WDR7: variants seen among roughly 807,000 people sequenced by gnomAD.
WDR7 encodes the protein WD repeat domain 7.
WDR7 carries 46 observed loss-of-function variants against 169.4 expected under a neutral mutation model. The observed-to-expected ratio is 0.27, with a 90% CI of 0.21 to 0.35. The LOEUF (loss-of-function observed/expected upper bound fraction) is 0.35. WDR7 is among the 10% of genes least tolerant of loss of function. WDR7 has a pLI of 1.00. For missense variants in WDR7, 1,534 were observed against 1,859.3 expected (o/e 0.83, Z 3.22); for synonymous variants, 612 against 666.8 (o/e 0.92, Z 1.27).
intron 14 of WDR7, among the ~76,000 whole-genome samples, chr18:56,754,460 ATGTG>A (rs376745398): frequency 4.6e-5 from 7 of 151,278 alleles, no homozygotes; most frequent in African/African-American, 7.3e-5. Flanking sequence ...GCCATATATA[ATGTG>A]TGTGTATGTA....
chr18:56,714,745 G>C lies in WDR7; in HGVS notation c.1579-3219G>C, dbSNP rs559941844. ...AAACAGTTTTTTGTAGATTGAGCTTGTTATTTGCAAATTTTCATTATTACA... is the reference window on the plus strand; with the variant it reads ...AAACAGTTTTTTGTAGATTGAGCTTCTTATTTGCAAATTTTCATTATTACA... On this transcript the variant is annotated intron_variant, in intron 12 of 27. Transcript: ENST00000254442. 6.6e-5 allele frequency among the ~76,000 whole-genome samples: 10 copies of C among 151,954 alleles called. 1 individual carries two copies. The highest frequency in any genetic ancestry group is 3.9e-4 in the Admixed American group (6 of 15,256).
chr18:56,833,945 A>G (rs1337324149), intron 20 of WDR7, among the ~76,000 whole-genome samples: 1 of 152,216 alleles, frequency 6.6e-6, no homozygotes, highest in East Asian at 1.9e-4. Context: ...GGTTCAGCTT[A>G]GCTATGTCCT....
intron 14 of WDR7, among the ~76,000 whole-genome samples, chr18:56,741,048 C>A (rs999422580): frequency 6.6e-6 from 1 of 152,114 alleles, no homozygotes; most frequent in African/African-American, 2.4e-5. Flanking sequence ...AAATCATGTC[C>A]CATAGAACAT....
Position 56,923,923 on chromosome 18 carries a change from C to A in WDR7, c.3528C>A (p.Cys1176Ter). 1 of 1,540,264 alleles carries A rather than the reference C, an allele frequency of 6.5e-7. No individual in the cohort carries two copies. Among genetic ancestry groups the A allele is most frequent in the South Asian group, 1.3e-5 (1 of 77,790 alleles). The change falls in exon 22 of 28, where the codon TGC becomes TGA. Residue 1176 changes from cysteine (C) to a stop codon, truncating the protein, a stop_gained and splice_region_variant. Transcript: ENST00000254442. LOFTEE classifies it high-confidence loss of function. ...GSNYSLARHT[C>*]KALTFLLLQP... is the part of the protein sequence containing the mutation. Reference sequence around the variant, plus strand: ...CTGCATTTTATTCTATAATTTCAGGCAAGGCACTGACGTTTCTTCTGCTAC... The same window carrying A: ...CTGCATTTTATTCTATAATTTCAGGAAAGGCACTGACGTTTCTTCTGCTAC...
intron 20 of WDR7, among the ~76,000 whole-genome samples, chr18:56,833,126 G>A (rs1338941292): frequency 6.7e-6 from 1 of 149,526 alleles, no homozygotes; most frequent in Admixed American, 6.7e-5. Flanking sequence ...AGAATAACCA[G>A]TTTAGAGAAG....
intron 20 of WDR7, among the ~76,000 whole-genome samples, chr18:56,859,618 C>G (rs1433299376): frequency 6.6e-6 from 1 of 152,110 alleles, no homozygotes; most frequent in Non-Finnish European, 1.5e-5. Flanking sequence ...CCCTAGTATG[C>G]CTTCCCACCC....
chr18:56,757,321 A>G lies in WDR7; in HGVS notation c.2728A>G (p.Ile910Val). 1 of 1,610,702 alleles carries G rather than the reference A, an allele frequency of 6.2e-7. No homozygotes were observed. Among genetic ancestry groups the G allele is most frequent in the Non-Finnish European group, 8.5e-7 (1 of 1,177,370 alleles). The change falls in exon 15 of 28, where the codon ATT (isoleucine) becomes GTT (valine). Residue 910 changes from isoleucine (I) to valine (V), a missense_variant. Physicochemically the swap from Ile to Val is conservative, Grantham distance 29. Coordinates refer to ENST00000254442, the MANE Select transcript of WDR7 (RefSeq NM_015285.3). ...TLMSMTNATF[I>V]GDHMKKGPTR... is the part of the protein sequence containing the mutation. ...AATGAGTATGACCAATGCAACTTTT[A>G]TTGGTGATCATATGAAGAAGGGTCC...
At chr18:56,813,827 G>A (rs1384141399) in intron 19 of WDR7, among the ~76,000 whole-genome samples, 1 of 151,882 alleles carries the variant, frequency 6.6e-6, no homozygotes, top group Non-Finnish European at 1.5e-5. Flanking sequence ...ACAACTCCCT[G>A]GTCTTTCAGC....
chr18:56,963,155 C>A (rs956774070), intron 26 of WDR7, among the ~76,000 whole-genome samples: 1 of 152,034 alleles, frequency 6.6e-6, no homozygotes, highest in Admixed American at 6.6e-5. Context: ...CAAATCTAAC[C>A]CCACTTTAGA....
chr18:56,962,807 G>A (rs762042675), intron 26 of WDR7, among the ~76,000 whole-genome samples: 7 of 152,078 alleles, frequency 4.6e-5, no homozygotes, highest in Non-Finnish European at 1.0e-4. Context: ...GTTTTAAACC[G>A]AGTTTTCTGA....
intron 20 of WDR7, among the ~76,000 whole-genome samples, chr18:56,842,580 T>C (rs1022126828): frequency 1.3e-5 from 2 of 152,194 alleles, no homozygotes; most frequent in Admixed American, 6.5e-5. Context: ...GACAGTCTAT[T>C]GTATAGGAGA....
At chr18:56,665,438 G>A (rs1179547907) in intron 1 of WDR7, among the ~76,000 whole-genome samples, 1 of 152,082 alleles carries the variant, frequency 6.6e-6, no homozygotes, top group Non-Finnish European at 1.5e-5. Flanking sequence ...TTGAGAATTA[G>A]GAATTCTACT....
At chr18:57,014,512 G>A (rs981217140) in intron 26 of WDR7, among the ~76,000 whole-genome samples, 5 of 150,228 alleles carry the variant, frequency 3.3e-5, no homozygotes, top group African/African-American at 4.9e-5. Context: ...CAAAAAATTC[G>A]CCAGGCGGTT....
chr18:56,665,914 G>T (rs2025010469), intron 1 of WDR7, among the ~76,000 whole-genome samples: 1 of 152,078 alleles, frequency 6.6e-6, no homozygotes, highest in Non-Finnish European at 1.5e-5. Context: ...GACCCTGGGG[G>T]AAGTTCTGAA....
At chr18:56,717,366 T>C (rs1026482650) in intron 12 of WDR7, among the ~76,000 whole-genome samples, 2 of 152,224 alleles carry the variant, frequency 1.3e-5, no homozygotes, top group African/African-American at 2.4e-5. Context: ...GAACATTTAA[T>C]TGGCTATTGT....
chr18:56,990,772 A>G (rs1446274610), intron 26 of WDR7, among the ~76,000 whole-genome samples: 1 of 152,166 alleles, frequency 6.6e-6, no homozygotes, highest in Non-Finnish European at 1.5e-5. Context: ...CTATTGCTCC[A>G]GCTTTTTCTC....
At chr18:56,654,222 C>A (rs567869121) in intron 1 of WDR7, among the ~76,000 whole-genome samples, 1 of 152,078 alleles carries the variant, frequency 6.6e-6, no homozygotes, top group African/African-American at 2.4e-5. Context: ...ATCTCTGTCT[C>A]CCAGGTTCAA....
chr18:56,784,221 ACTTATT>A (rs2044360748), intron 19 of WDR7, among the ~76,000 whole-genome samples: 1 of 152,126 alleles, frequency 6.6e-6, no homozygotes, highest in South Asian at 2.1e-4. Context: ...AGACTCCAAA[ACTTATT>A]CTTGTAACCA....
intron 27 of WDR7, among the ~76,000 whole-genome samples, chr18:57,024,285 A>G (rs942794837): frequency 1.3e-5 from 2 of 152,176 alleles, no homozygotes; most frequent in Admixed American, 6.5e-5. Context: ...TTACTCGAGC[A>G]TCGTTTGTAT....
Sources: gnomAD v4.1 joint callset for allele counts (sites outside exome capture counted in the v4.1 genomes callset) on GRCh38, gnomAD v4.1.1 for gene constraint, MANE v1.5 for transcripts, NCBI Gene and HGNC (gene_info 2026-07-23, HGNC 2026-07-21) for gene names.